The following ASCC1 variants were observed in gnomAD, a reference collection of about 807,000 sequenced individuals.
ASCC1 encodes activating signal cointegrator 1 complex subunit 1.
Under a neutral mutation model 46.6 loss-of-function variants are expected in ASCC1, and 35 were observed. The ratio of observed to expected loss-of-function variants is 0.75; its 90% confidence interval spans 0.57 to 0.99. The LOEUF (loss-of-function observed/expected upper bound fraction) is 0.99. Among genes scored for constraint, ASCC1 ranks in the 50% least tolerant of loss-of-function variants. ASCC1 has a pLI of 0.00. For missense variants in ASCC1, 376 were observed against 428.7 expected, an observed-to-expected ratio of 0.88 and a Z score of 1.09; for synonymous variants, 143 against 146.6, an observed-to-expected ratio of 0.98 and a Z score of 0.18.
At chr10:72,214,895 G>A (rs764852983) in intron 1 of ASCC1, among the ~76,000 whole-genome samples, 74 of 152,252 alleles carry the variant, frequency 4.9e-4, no homozygotes, top group Non-Finnish European at 1.0e-3. Context: ...ATTTCCACAG[G>A]CCACTGCCCA....
At chr10:72,167,389 A>G (rs149564249) in intron 5 of ASCC1, among the ~76,000 whole-genome samples, 6 of 152,356 alleles carry the variant, frequency 3.9e-5, no homozygotes, top group African/African-American at 1.4e-4. Context: ...TCTACATGAA[A>G]TGTCCAGAAA....
chr10:72,148,762 C>A (rs59847948), intron 7 of ASCC1, among the ~76,000 whole-genome samples: 12,916 of 151,930 alleles, frequency 0.085, 1,691 homozygotes, highest in African/African-American at 0.28. Flanking sequence ...GGTTAAAGAT[C>A]CAGTCAAAAT....
chr10:72,151,746 T>C (rs1393634835), intron 7 of ASCC1, among the ~76,000 whole-genome samples: 1 of 151,996 alleles, frequency 6.6e-6, no homozygotes, highest in Non-Finnish European at 1.5e-5. Context: ...TGGAGTGCAG[T>C]GGCACCATCT....
rs1271547177 is a variant in ASCC1, at chr10:72,096,636, C to T, written c.*698G>A. The stretch of plus-strand genomic sequence containing the variant: ...CACCCCCGTGTCTGTATTAGCACTA[C>T]TCCCAATAGTCAAGAGGAAGCAAGC... On this transcript the variant is annotated 3_prime_UTR_variant, in exon 10 of 10. Coordinates refer to ENST00000672957, the MANE Select transcript of ASCC1 (RefSeq NM_001198800.3). 30 of 453,984 alleles carry T rather than the reference C, an allele frequency of 6.6e-5. No individual in the cohort carries two copies. The highest frequency in any genetic ancestry group is 8.8e-6 in the Non-Finnish European group (2 of 226,798). 28.1% of individuals were successfully genotyped at this position (453,984 alleles called of 1,614,324 possible). A position where few individuals can be genotyped will look rare whatever the true frequency, so the allele number is the denominator to read the frequency against.
intron 9 of ASCC1, among the ~76,000 whole-genome samples, chr10:72,114,494 G>A (rs758451656): frequency 1.3e-4 from 20 of 151,958 alleles, no homozygotes; most frequent in African/African-American, 2.9e-4. Flanking sequence ...GCATGGTGGC[G>A]GGCCCCTGTA....
intron 5 of ASCC1, among the ~76,000 whole-genome samples, chr10:72,187,460 C>G (rs910114437): frequency 6.6e-6 from 1 of 152,092 alleles, no homozygotes; most frequent in Non-Finnish European, 1.5e-5. Context: ...GTGGCTCACG[C>G]CTGTAATCCC....
chr10:72,102,301 A>C, intron 9 of ASCC1: 1 of 1,533,114 alleles, frequency 6.5e-7, no homozygotes, highest in Non-Finnish European at 8.8e-7. Context: ...CAACAAGTTC[A>C]GGTGTGTTTA....
intron 5 of ASCC1, among the ~76,000 whole-genome samples, chr10:72,186,077 G>A (rs934689068): frequency 7.2e-5 from 11 of 151,814 alleles, no homozygotes; most frequent in African/African-American, 2.7e-4. Context: ...ATTAAAAATG[G>A]GAGTTAGCTT....
intron 3 of ASCC1, among the ~76,000 whole-genome samples, chr10:72,206,929 C>T (rs931757788): frequency 3.3e-5 from 5 of 152,132 alleles, no homozygotes; most frequent in Non-Finnish European, 7.4e-5. Context: ...TTATGCAAGT[C>T]CCCTCAATAA....
chr10:72,138,835 G>C (rs1325836771), intron 7 of ASCC1, among the ~76,000 whole-genome samples: 1 of 151,862 alleles, frequency 6.6e-6, no homozygotes, highest in African/African-American at 2.4e-5. Context: ...CAAAGTGCTG[G>C]GATTACAGGC....
chr10:72,168,239 A>G (rs111262670), intron 5 of ASCC1, among the ~76,000 whole-genome samples: 10 of 152,274 alleles, frequency 6.6e-5, no homozygotes, highest in African/African-American at 2.2e-4. Flanking sequence ...AAATCAAAGA[A>G]AAAACTCAAA....
At chr10:72,108,408 C>T (rs1386907462) in intron 9 of ASCC1, among the ~76,000 whole-genome samples, 1 of 152,116 alleles carries the variant, frequency 6.6e-6, no homozygotes, top group African/African-American at 2.4e-5. Context: ...GAAGTGAAAA[C>T]AAGCTGTACA....
At chr10:72,133,451 G>C in intron 7 of ASCC1, 1 of 435,212 alleles carries the variant, frequency 2.3e-6, no homozygotes, top group Admixed American at 3.5e-5. Flanking sequence ...GAGAGGGCCA[G>C]GTTTCCACAG....
chr10:72,146,292 C>T (rs139424300), intron 7 of ASCC1, among the ~76,000 whole-genome samples: 214 of 152,176 alleles, frequency 1.4e-3, no homozygotes, highest in Non-Finnish European at 2.6e-3. Flanking sequence ...TCAAAGAATG[C>T]CTGGGGAAAG....
chr10:72,136,084 A>G (rs1846153355), intron 7 of ASCC1, among the ~76,000 whole-genome samples: 1 of 152,140 alleles, frequency 6.6e-6, no homozygotes, highest in Admixed American at 6.5e-5. Flanking sequence ...GTGCAGTAGC[A>G]CAATCACAGC....
intron 9 of ASCC1, among the ~76,000 whole-genome samples, chr10:72,113,849 T>C (rs938468931): frequency 2.6e-5 from 4 of 152,214 alleles, no homozygotes; most frequent in Non-Finnish European, 5.9e-5. Context: ...CTTTTCATCA[T>C]CAAAGAAGGG....
intron 8 of ASCC1, among the ~76,000 whole-genome samples, chr10:72,131,240 G>GA (rs1206155681): frequency 2.0e-5 from 3 of 152,214 alleles, no homozygotes; most frequent in Non-Finnish European, 4.4e-5. Flanking sequence ...CCAAGATGGT[G>GA]AAACCCTGTC....
At chr10:72,143,216 T>C (rs578158170) in intron 7 of ASCC1, among the ~76,000 whole-genome samples, 3 of 151,812 alleles carry the variant, frequency 2.0e-5, no homozygotes, top group South Asian at 2.1e-4. Context: ...TGTTTTGTCA[T>C]AGTTATTCCT....
At chr10:72,151,886 T>TCA (rs1457892058) in intron 7 of ASCC1, among the ~76,000 whole-genome samples, 8 of 152,054 alleles carry the variant, frequency 5.3e-5, no homozygotes, top group African/African-American at 1.9e-4. Flanking sequence ...AGATGGGGTT[T>TCA]CACCGTGTTA....
Sources: gnomAD v4.1 joint callset for allele counts (sites outside exome capture counted in the v4.1 genomes callset) on GRCh38, gnomAD v4.1.1 for gene constraint, MANE v1.5 for transcripts, NCBI Gene and HGNC (gene_info 2026-07-23, HGNC 2026-07-21) for gene names.